RBFOX1: variants seen among roughly 807,000 people sequenced by gnomAD.
The protein encoded by RBFOX1 is RNA binding protein fox-1 homolog 1.
A neutral mutation model predicts 57.7 loss-of-function variants in RBFOX1; 8 were observed. The observed-to-expected ratio is 0.14, with a 90% CI of 0.08 to 0.25. The LOEUF (loss-of-function observed/expected upper bound fraction) is 0.25, where lower values mean the gene tolerates loss of function less well. Among genes scored for constraint, RBFOX1 ranks in the 10% least tolerant of loss-of-function variants. The pLI, the probability that RBFOX1 is intolerant of heterozygous loss-of-function variation, is 1.00. For synonymous variants in RBFOX1, 326 were observed against 222.4 expected (o/e 1.47, Z -4.15); for missense variants, 611 against 548.5 (o/e 1.11, Z -1.14).
intron 11 of RBFOX1, among the ~76,000 whole-genome samples, chr16:7,637,462 G>A (rs1217417195): frequency 3.3e-5 from 5 of 152,122 alleles, no homozygotes; most frequent in Admixed American, 6.5e-5. Flanking sequence ...TTCATAAAAC[G>A]ATGATTTAAG....
At chr16:5,740,012 G>A (rs1334184754) in intron 3 of RBFOX1, among the ~76,000 whole-genome samples, 1 of 152,214 alleles carries the variant, frequency 6.6e-6, no homozygotes. Context: ...AGTGGGAGGG[G>A]TCCATGCTGC....
At chr16:6,472,834 A>G (rs1299954143) in intron 2 of RBFOX1, among the ~76,000 whole-genome samples, 1 of 151,900 alleles carries the variant, frequency 6.6e-6, no homozygotes, top group Non-Finnish European at 1.5e-5. Context: ...CGTGTTGTCC[A>G]GGCTGGTCTC....
At chr16:7,049,027 A>T (rs961891601) in intron 3 of RBFOX1, among the ~76,000 whole-genome samples, 1 of 152,154 alleles carries the variant, frequency 6.6e-6, no homozygotes, top group African/African-American at 2.4e-5. Flanking sequence ...CTCAAAGCTT[A>T]TGGAAACATT....
chr16:7,424,097 T>G (rs1383653135), intron 4 of RBFOX1, among the ~76,000 whole-genome samples: 1 of 152,220 alleles, frequency 6.6e-6, no homozygotes, highest in African/African-American at 2.4e-5. Context: ...AGTCTCTTTT[T>G]TAAGCATTCA....
intron 1 of RBFOX1, among the ~76,000 whole-genome samples, chr16:6,056,426 C>T (rs1322331013): frequency 4.6e-5 from 7 of 152,132 alleles, no homozygotes; most frequent in Non-Finnish European, 1.0e-4. Flanking sequence ...CCCTTTCTTC[C>T]CCTACCCCTT....
intron 3 of RBFOX1, among the ~76,000 whole-genome samples, chr16:5,790,366 C>G (rs1438418764): frequency 6.6e-6 from 1 of 152,066 alleles, no homozygotes; most frequent in Non-Finnish European, 1.5e-5. Flanking sequence ...GTCCAAGGTG[C>G]AGAGACCGTA....
intron 3 of RBFOX1, among the ~76,000 whole-genome samples, chr16:6,879,325 T>G (rs977281347): frequency 1.3e-5 from 2 of 152,332 alleles, no homozygotes; most frequent in African/African-American, 4.8e-5. Context: ...TTTGCTATAA[T>G]TAACTTCAGA....
At chr16:5,804,450 G>A (rs116652453) in intron 3 of RBFOX1, among the ~76,000 whole-genome samples, 1 of 152,302 alleles carries the variant, frequency 6.6e-6, no homozygotes, top group African/African-American at 2.4e-5. Context: ...CCTGTTCATT[G>A]ATAAGGTTTG....
intron 4 of RBFOX1, among the ~76,000 whole-genome samples, chr16:7,223,127 C>T (rs917006459): frequency 2.0e-5 from 3 of 152,214 alleles, no homozygotes; most frequent in African/African-American, 4.8e-5. Flanking sequence ...TAGCTCACCA[C>T]ATCTACAAGG....
chr16:7,092,884 C>T (rs988606022), intron 4 of RBFOX1, among the ~76,000 whole-genome samples: 3 of 152,184 alleles, frequency 2.0e-5, no homozygotes, highest in South Asian at 2.1e-4. Flanking sequence ...ATTCTTCTTT[C>T]CGCCTTGGTG....
chr16:7,214,805 G>T (rs1201684692), intron 4 of RBFOX1, among the ~76,000 whole-genome samples: 1 of 152,096 alleles, frequency 6.6e-6, no homozygotes, highest in Non-Finnish European at 1.5e-5. Context: ...GTAGACACAT[G>T]TTCCTCACAT....
At chr16:5,538,157 C>G (rs908975611) in intron 2 of RBFOX1, among the ~76,000 whole-genome samples, 7 of 152,188 alleles carry the variant, frequency 4.6e-5, no homozygotes, top group Non-Finnish European at 8.8e-5. Context: ...GGTCTGTAAT[C>G]TAGGGGGAGG....
intron 3 of RBFOX1, among the ~76,000 whole-genome samples, chr16:5,664,063 C>T (rs914428977): frequency 3.3e-5 from 5 of 152,308 alleles, no homozygotes; most frequent in Middle Eastern, 3.4e-3. Flanking sequence ...TGTCTTCTCT[C>T]GTAGAGACCC....
chr16:5,724,755 G>A (rs534500354), intron 3 of RBFOX1, among the ~76,000 whole-genome samples: 1 of 152,274 alleles, frequency 6.6e-6, no homozygotes, highest in South Asian at 2.1e-4. Context: ...TACCTACCAA[G>A]TACCTGGCAC....
chr16:6,921,778 T>C (rs570954369), intron 3 of RBFOX1, among the ~76,000 whole-genome samples: 98 of 144,876 alleles, frequency 6.8e-4, no homozygotes, highest in African/African-American at 2.4e-3. Flanking sequence ...AAGATGTATG[T>C]TGTATATGCA....
At chr16:6,108,834 G>T (rs1336768407) in intron 1 of RBFOX1, among the ~76,000 whole-genome samples, 1 of 151,878 alleles carries the variant, frequency 6.6e-6, no homozygotes, top group Non-Finnish European at 1.5e-5. Context: ...TTCCTCTTCT[G>T]TACACGTCTG....
chr16:5,680,677 CT>C (rs2050305329), intron 3 of RBFOX1, among the ~76,000 whole-genome samples: 1 of 152,164 alleles, frequency 6.6e-6, no homozygotes, highest in Non-Finnish European at 1.5e-5. Context: ...AGTCTGAGGT[CT>C]TAACCTTGGA....
At chr16:5,525,908 G>A (rs1363993418) in intron 2 of RBFOX1, among the ~76,000 whole-genome samples, 2 of 152,052 alleles carry the variant, frequency 1.3e-5, no homozygotes, top group Non-Finnish European at 2.9e-5. Flanking sequence ...AAACATCGAA[G>A]GCTAGTGCCT....
chr16:6,370,709 A>T (rs754120821), intron 2 of RBFOX1, among the ~76,000 whole-genome samples: 2 of 152,170 alleles, frequency 1.3e-5, no homozygotes, highest in African/African-American at 2.4e-5. Context: ...TTGATGTTTA[A>T]CGGGTATAGA....
Sources: gnomAD v4.1 joint callset for allele counts (sites outside exome capture counted in the v4.1 genomes callset) on GRCh38, gnomAD v4.1.1 for gene constraint, MANE v1.5 for transcripts, NCBI Gene and HGNC (gene_info 2026-07-23, HGNC 2026-07-21) for gene names.